Variants in NLRP1 observed in about 807,000 individuals in gnomAD.
NLRP1 encodes the protein NLR family pyrin domain containing 1, also known as NACHT, LRR and PYD domains-containing protein 1.
In NLRP1, 94 loss-of-function variants were observed where a neutral mutation model predicts 136.7. That is an observed-to-expected ratio of 0.69 (90% confidence interval 0.58 to 0.82). The LOEUF is 0.82. Ranked by LOEUF, NLRP1 falls within the 40% of genes least tolerant of loss-of-function variation. NLRP1 has a pLI of 0.00. For synonymous variants in NLRP1, 690 were observed against 725.1 expected, an observed-to-expected ratio of 0.95 and a Z score of 0.78; for missense variants, 1,575 against 1,802.7, an observed-to-expected ratio of 0.87 and a Z score of 2.29.
intron 3 of NLRP1, among the ~76,000 whole-genome samples, chr17:5,579,005 G>A (rs902174976): frequency 5.3e-5 from 8 of 152,122 alleles, no homozygotes; most frequent in South Asian, 4.2e-4. Context: ...GCAAACTATC[G>A]CAGGGACAAA....
chr17:5,518,647 G>C (rs1908460135), intron 14 of NLRP1: 1 of 147,540 alleles, frequency 6.8e-6, no homozygotes, highest in African/African-American at 2.5e-5. Flanking sequence ...GGGCTCAAGT[G>C]CCTCAGCCTC....
intron 4 of NLRP1, among the ~76,000 whole-genome samples, chr17:5,556,115 T>TCCACAC (rs1914034271): frequency 8.4e-6 from 1 of 119,008 alleles, no homozygotes; most frequent in Non-Finnish European, 1.7e-5. Flanking sequence ...TCTCTCTCTC[T>TCCACAC]ACACACACAC....
chr17:5,502,097 T>C (rs1387374749), intron 15 of NLRP1: 4 of 488,920 alleles, frequency 8.2e-6, no homozygotes, highest in South Asian at 2.0e-5. Flanking sequence ...CAGGGACTTC[T>C]TGCATGGCCA....
At chr17:5,515,303 T>C (rs1374613465) in intron 16 of NLRP1, among the ~76,000 whole-genome samples, 170 bp downstream of exon 16, 4 of 152,148 alleles carry the variant, frequency 2.6e-5, no homozygotes, top group African/African-American at 9.7e-5. Context: ...AGGGTCTCTG[T>C]GGATAGGACA....
rs563483749 is a variant in NLRP1 at position 5,533,344 on chromosome 17, G to A, written c.3093C>T (p.Leu1031=). 1 of 1,468,812 alleles carries A rather than the reference G, an allele frequency of 6.8e-7. No individual in the cohort carries two copies. The highest frequency in any genetic ancestry group is 1.2e-5 in the South Asian group (1 of 82,428). 91.0% of individuals were successfully genotyped at this position (1,468,812 alleles called of 1,614,324 possible). A position where few individuals can be genotyped will look rare whatever the true frequency, so the allele number is the denominator to read the frequency against. The change falls in exon 10 of 17, where the codon CTC becomes CTT. Residue 1031 remains leucine (L), a synonymous_variant. Transcript: ENST00000572272. ...ASHVAQANLK[L]LDVSKIFPIA... is the part of the protein sequence containing the mutation. ...TTGGGAAGATCTTGCTCACGTCCAG[G>A]AGTTTGAGATTAGCCTGAGCAACAT...
At chr17:5,572,981 G>A (rs995682688) in intron 3 of NLRP1, among the ~76,000 whole-genome samples, 2 of 152,066 alleles carry the variant, frequency 1.3e-5, no homozygotes, top group South Asian at 2.1e-4. Context: ...CAGGACAGTG[G>A]GTGCAGCCCA....
intron 12 of NLRP1, 113 bp downstream of exon 12, chr17:5,530,368 C>T: frequency 1.1e-6 from 1 of 875,496 alleles, no homozygotes; most frequent in Non-Finnish European, 1.8e-6. Flanking sequence ...ATAACCCCCC[C>T]TCGGCCCCTC....
downstream of NLRP1, among the ~76,000 whole-genome samples, chr17:5,510,177 G>A (rs551063196): frequency 5.3e-5 from 8 of 151,400 alleles, no homozygotes; most frequent in South Asian, 1.7e-3. Context: ...AAAGTGCTAG[G>A]ATTATAGGTA....
At chr17:5,505,764 C>T (rs1597385548) in intron 15 of NLRP1, 1 of 152,264 alleles carries the variant, frequency 6.6e-6, no homozygotes, top group African/African-American at 2.4e-5. Flanking sequence ...AAATGATTAG[C>T]TTTCCACAGT....
In NLRP1 at chr17:5,558,356, G is replaced by A. The variant is rs1567659450; in HGVS notation, c.2340C>T (p.Ser780=). Residue 780 remains serine (S), a synonymous_variant, in exon 4 of 17, where the codon AGC becomes AGT. Coordinates refer to ENST00000572272, the MANE Select transcript of NLRP1 (RefSeq NM_033004.4). Reference sequence around the variant, plus strand: ...GTACTCACAGGACTACCATGGTGGGGCTCCATGTTGATCTGTGCTGCCTGC... The same window carrying A: ...GTACTCACAGGACTACCATGGTGGGACTCCATGTTGATCTGTGCTGCCTGC... ...IEGRQHRSTW[S]PTMVVLFRWV... The A allele has an allele frequency of 6.2e-7, 1 of 1,608,248 alleles. No individual in the cohort carries two copies. The highest frequency in any genetic ancestry group is 8.5e-7 in the Non-Finnish European group (1 of 1,176,992).
chr17:5,536,618 T>A (rs1456316513), intron 8 of NLRP1, among the ~76,000 whole-genome samples: 1 of 152,116 alleles, frequency 6.6e-6, no homozygotes, highest in South Asian at 2.1e-4. Flanking sequence ...GCCTGGCTAA[T>A]TTTTTAGCCC....
At chr17:5,535,219 CAA>C (rs961680088) in intron 8 of NLRP1, among the ~76,000 whole-genome samples, 3 of 127,104 alleles carry the variant, frequency 2.4e-5, no homozygotes, top group Non-Finnish European at 1.7e-5. Context: ...GACTCTGTCT[CAA>C]AAAAAAAAAA....
At chr17:5,515,916 G>GTAGAT (rs1429354329) in intron 15 of NLRP1, among the ~76,000 whole-genome samples, 2 of 152,162 alleles carry the variant, frequency 1.3e-5, no homozygotes, top group East Asian at 3.8e-4. Flanking sequence ...CTACTTCCTT[G>GTAGAT]TTCTTGTTTA....
intron 3 of NLRP1, among the ~76,000 whole-genome samples, chr17:5,569,004 A>G (rs1014201365): frequency 9.2e-5 from 14 of 152,150 alleles, no homozygotes; most frequent in Admixed American, 2.6e-4. Flanking sequence ...TCCAACCAAG[A>G]ATTTCATATA....
At chr17:5,542,500 T>G (rs1911995364) in intron 5 of NLRP1, among the ~76,000 whole-genome samples, 2 of 152,226 alleles carry the variant, frequency 1.3e-5, no homozygotes, top group Middle Eastern at 3.4e-3. Context: ...TCCACTTGCG[T>G]CAGGTCTTTG....
chr17:5,558,291 T>G, intron 4 of NLRP1, 48 bp downstream of exon 4: 2 of 1,548,532 alleles, frequency 1.3e-6, no homozygotes, highest in Non-Finnish European at 1.7e-6. Context: ...TCACTCGGGC[T>G]TATGGACTGA....
At chr17:5,511,422 C>T (rs185169277), downstream of NLRP1, among the ~76,000 whole-genome samples, 1 of 142,342 alleles carries the variant, frequency 7.0e-6, no homozygotes, top group African/African-American at 2.7e-5. Flanking sequence ...GCCTGGGCGA[C>T]AGAGCGAGCC....
rs775309156 is a variant in NLRP1, at chr17:5,530,708, G to C, written c.3297-4C>G. ...GCCAGCTACAGGGAAGTGAACTCTG[G>C]GAAGAAGAGGGAGAGGCAGACACTT... On this transcript the variant is annotated splice_polypyrimidine_tract_variant and splice_region_variant and intron_variant, in intron 11 of 16. Transcript: ENST00000572272. The C allele has an allele frequency of 6.8e-6, 11 of 1,610,800 alleles. No individual in the cohort carries two copies.
intron 4 of NLRP1, among the ~76,000 whole-genome samples, chr17:5,557,578 T>C (rs1914233828): frequency 6.6e-6 from 1 of 152,224 alleles, no homozygotes; most frequent in South Asian, 2.1e-4. Context: ...TAATCTGTGA[T>C]CTGTAGGGCC....
Sources: allele counts gnomAD v4.1 joint callset (sites outside exome capture counted in the v4.1 genomes callset), GRCh38; gene constraint gnomAD v4.1.1; transcripts MANE v1.5; gene names NCBI Gene and HGNC (gene_info 2026-07-23, HGNC 2026-07-21).